The following SKP2 variants were observed in gnomAD, a reference collection of about 807,000 sequenced individuals.
The protein encoded by SKP2 is S-phase kinase associated protein 2.
In SKP2, 16 loss-of-function variants were observed where a neutral mutation model predicts 51.8. That is an observed-to-expected ratio of 0.31 (90% confidence interval 0.21 to 0.47). The LOEUF (loss-of-function observed/expected upper bound fraction) is 0.47, where lower values mean the gene tolerates loss of function less well. Among genes scored for constraint, SKP2 ranks in the 20% least tolerant of loss-of-function variants. The pLI is 1.00. For missense variants in SKP2, 377 were observed against 505.3 expected, an observed-to-expected ratio of 0.75 and a Z score of 2.43; for synonymous variants, 176 against 198.6, an observed-to-expected ratio of 0.89 and a Z score of 0.96.
chr5:36,177,137 AGGATCAATGTGT>A (rs1233927439), intron 8 of SKP2, 36 bp from the exon 9 acceptor site: 1 of 1,354,770 alleles, frequency 7.4e-7, no homozygotes, highest in Non-Finnish European at 1.1e-6. Flanking sequence ...TTCTTTATCT[AGGATCAATGTGT>A]GATTTTCAAT....
intron 2 of SKP2, among the ~76,000 whole-genome samples, chr5:36,163,206 A>C (rs1041659030): frequency 2.6e-5 from 4 of 152,196 alleles, no homozygotes; most frequent in Non-Finnish European, 5.9e-5. Flanking sequence ...CTTCCTTTGC[A>C]CCCAGAAGCA....
intron 9 of SKP2, 25 bp downstream of exon 9, chr5:36,177,317 T>G: frequency 7.3e-7 from 1 of 1,366,236 alleles, no homozygotes; most frequent in Non-Finnish European, 1.0e-6. Context: ...TTTTTAATGC[T>G]TAATAGAAGG....
chr5:36,163,531 G>A, intron 2 of SKP2, 114 bp from the exon 3 acceptor site: 2 of 656,826 alleles, frequency 3.0e-6, no homozygotes, highest in South Asian at 1.8e-5. Flanking sequence ...TTTAATTTGT[G>A]CTAAATTCCT....
At position 36,182,493 on chromosome 5, in the gene SKP2, GA is replaced by G; in HGVS notation, c.*464del. 1.0e-6 allele frequency: 1 copy of G among 987,480 alleles called. No individual in the cohort carries two copies. Among genetic ancestry groups the G allele is most frequent in the African/African-American group, 1.7e-5 (1 of 57,356 alleles). 61.2% of individuals were successfully genotyped at this position (987,480 alleles called of 1,614,324 possible). The stretch of plus-strand genomic sequence containing the variant: ...TTGTATTATGAGCTGAACAAAAAGA[GA>G]ATCATAGGATAGTAGCGTCTGAGGC... On this transcript the variant is annotated 3_prime_UTR_variant, in exon 10 of 10. Coordinates refer to ENST00000274255, the MANE Select transcript of SKP2 (RefSeq NM_005983.4).
intron 6 of SKP2, among the ~76,000 whole-genome samples, chr5:36,191,416 G>T (rs1444796257): frequency 6.7e-6 from 1 of 150,258 alleles, no homozygotes; most frequent in African/African-American, 2.5e-5. Context: ...TTTTAGCCAG[G>T]AGACACTTGA....
At chr5:36,159,483 A>G (rs1398864741) in intron 2 of SKP2, among the ~76,000 whole-genome samples, 1 of 152,076 alleles carries the variant, frequency 6.6e-6, no homozygotes, top group Admixed American at 6.5e-5. Flanking sequence ...GAAGCCCCCC[A>G]TTCCCTTACA....
intron 9 of SKP2, among the ~76,000 whole-genome samples, chr5:36,178,933 T>C (rs1407911778): frequency 6.6e-6 from 1 of 152,160 alleles, no homozygotes; most frequent in African/African-American, 2.4e-5. Context: ...AATAATGGCA[T>C]GGTAATACTT....
At chr5:36,186,689 A>G (rs1745958904), downstream of SKP2, among the ~76,000 whole-genome samples, 1 of 94,044 alleles carries the variant, frequency 1.1e-5, no homozygotes, top group Non-Finnish European at 2.3e-5. Context: ...TTCATCAAGG[A>G]TATTGGTCTA....
At chr5:36,152,653 T>C in intron 1 of SKP2, 118 bp from the exon 2 acceptor site, 1 of 1,083,738 alleles carries the variant, frequency 9.2e-7, no homozygotes, top group Non-Finnish European at 1.3e-6. Flanking sequence ...AAAAATGCGA[T>C]TCTGTTAGCT....
chr5:36,187,045 T>G (rs1383612420), downstream of SKP2, among the ~76,000 whole-genome samples: 1 of 152,236 alleles, frequency 6.6e-6, no homozygotes, highest in Non-Finnish European at 1.5e-5. Context: ...GTGTTTATAG[T>G]ATTCTCTGAT....
chr5:36,153,213 G>GATATATATATATATATAT (rs3038049), intron 2 of SKP2, among the ~76,000 whole-genome samples, 171 bp downstream of exon 2: 13 of 147,558 alleles, frequency 8.8e-5, no homozygotes, highest in African/African-American at 3.1e-4. Flanking sequence ...AATCTTGGTA[G>GATATATATATATATATAT]ATATATATAT....
Position 36,182,472 on chromosome 5 carries a change from A to G in SKP2, c.*441A>G. The G allele has an allele frequency of 2.0e-6, 2 of 988,906 alleles. No homozygotes were observed. The highest frequency in any genetic ancestry group is 2.4e-6 in the Non-Finnish European group (2 of 831,772). 61.3% of individuals were successfully genotyped at this position (988,906 alleles called of 1,614,324 possible). On this transcript the variant is annotated 3_prime_UTR_variant, in exon 10 of 10. Coordinates refer to ENST00000274255, the MANE Select transcript of SKP2 (RefSeq NM_005983.4). ...CTTAGAAGAACAATAAGCTATTTGTATTATGAGCTGAACAAAAAGAGAATC... is the reference window on the plus strand; with the variant it reads ...CTTAGAAGAACAATAAGCTATTTGTGTTATGAGCTGAACAAAAAGAGAATC...
At position 36,181,911 on chromosome 5, in the gene SKP2, T is replaced by C; in HGVS notation, c.1155T>C (p.His385=). The change falls in exon 10 of 10, where the codon CAT becomes CAC. Residue 385 remains histidine (H), a synonymous_variant. Transcript: ENST00000274255. ...TLQLLKEALP[H]LQINCSHFTT... is the part of the protein sequence containing the mutation. ...AACTGTTAAAGGAAGCCCTTCCTCA[T>C]CTACAGATTAATTGCTCCCATTTCA... The C allele has an allele frequency of 6.2e-7, 1 of 1,614,160 alleles. No homozygotes were observed.
Position 36,181,975 on chromosome 5 carries a change from C to G in SKP2, c.1219C>G (p.Gln407Glu), listed in dbSNP as rs199781457. The G allele has an allele frequency of 6.2e-7, 1 of 1,614,094 alleles. No individual in the cohort carries two copies. Among genetic ancestry groups the G allele is most frequent in the Admixed American group, 1.7e-5 (1 of 60,012 alleles). ...GCCAACTATTGGCAACAAAAAGAAC[C>G]AGGAGATATGGGGCATCAAATGCCG... ...ARPTIGNKKN[Q>E]EIWGIKCRLT... is the part of the protein sequence containing the mutation. Residue 407 changes from glutamine (Q) to glutamate (E), a missense_variant, in exon 10 of 10, where the codon CAG (glutamine) becomes GAG (glutamate). Physicochemically the swap from Gln to Glu is conservative, Grantham distance 29. This residue lies in a region of SKP2 where 262 missense variants were observed against 389.8 expected (regional missense o/e 0.67). Transcript: ENST00000274255.
At chr5:36,177,351 T>G (rs1322228998) in intron 9 of SKP2, 59 bp downstream of exon 9, 3 of 1,031,106 alleles carry the variant, frequency 2.9e-6, no homozygotes, top group Non-Finnish European at 4.6e-6. Flanking sequence ...AGATGCCCCT[T>G]GGTGTGAAAA....
intron 6 of SKP2, among the ~76,000 whole-genome samples, chr5:36,189,902 C>A (rs537846091): frequency 2.6e-5 from 4 of 152,296 alleles, no homozygotes; most frequent in Admixed American, 1.3e-4. Flanking sequence ...TGTTTACCTA[C>A]CCAAGCCTCA....
At chr5:36,166,066 C>T (rs562276189) in intron 3 of SKP2, among the ~76,000 whole-genome samples, 13 of 152,294 alleles carry the variant, frequency 8.5e-5, no homozygotes, top group Middle Eastern at 3.4e-3. Context: ...TGCTAACTTT[C>T]GTTCCTTTAG....
chr5:36,168,214 G>C, intron 4 of SKP2, 99 bp from the exon 5 acceptor site: 1 of 1,096,398 alleles, frequency 9.1e-7, no homozygotes. Flanking sequence ...AGTCTTGTTT[G>C]TGATTGGCTG....
At chr5:36,166,308 A>G (rs1469799875) in intron 3 of SKP2, among the ~76,000 whole-genome samples, 1 of 152,246 alleles carries the variant, frequency 6.6e-6, no homozygotes, top group Non-Finnish European at 1.5e-5. Context: ...AAAGAGAAAG[A>G]TGGAAGCTTA....
Sources: allele counts gnomAD v4.1 joint callset (sites outside exome capture counted in the v4.1 genomes callset), GRCh38; gene constraint gnomAD v4.1.1; regional missense constraint gnomAD v4.1.1; transcripts MANE v1.5; gene names NCBI Gene and HGNC (gene_info 2026-07-23, HGNC 2026-07-21).